The following ZBTB46 variants were observed in gnomAD, a reference collection of about 807,000 sequenced individuals.
The protein encoded by ZBTB46 is zinc finger and BTB domain containing 46, also known as zinc finger and BTB domain-containing protein 46.
Under a neutral mutation model 44.1 loss-of-function variants are expected in ZBTB46, and 8 were observed. That is an observed-to-expected ratio of 0.18 (90% CI 0.11 to 0.33). The LOEUF (loss-of-function observed/expected upper bound fraction) is 0.33. Ranked by LOEUF, ZBTB46 falls within the 10% of genes least tolerant of loss-of-function variation. ZBTB46 has a pLI of 1.00. For synonymous variants in ZBTB46, 409 were observed against 382.3 expected (o/e 1.07, Z -0.81); for missense variants, 651 against 847.7 (o/e 0.77, Z 2.88).
At chr20:63,809,370 C>T (rs2092704819) in intron 1 of ZBTB46, among the ~76,000 whole-genome samples, 1 of 152,172 alleles carries the variant, frequency 6.6e-6, no homozygotes, top group African/African-American at 2.4e-5. Context: ...TGCCTGTGTC[C>T]CCCCATATTA....
chr20:63,801,592 G>A (rs904112287), intron 1 of ZBTB46, among the ~76,000 whole-genome samples: 1 of 152,092 alleles, frequency 6.6e-6, no homozygotes. Flanking sequence ...CTCACTCTTT[G>A]GGTCCACACT....
At chr20:63,762,673 C>A (rs1283390555) in intron 3 of ZBTB46, among the ~76,000 whole-genome samples, 7 of 105,332 alleles carry the variant, frequency 6.6e-5, no homozygotes, top group African/African-American at 2.8e-4. Context: ...AACAAACAAA[C>A]AAACAAAAAA....
At chr20:63,809,819 C>T (rs765240064) in intron 1 of ZBTB46, among the ~76,000 whole-genome samples, 1 of 151,876 alleles carries the variant, frequency 6.6e-6, no homozygotes, top group Admixed American at 6.6e-5. Context: ...AAAAATTAGC[C>T]GGGCATGGTG....
At chr20:63,812,993 A>C in intron 1 of ZBTB46, among the ~76,000 whole-genome samples, 1 of 151,570 alleles carries the variant, frequency 6.6e-6, no homozygotes, top group East Asian at 1.9e-4. Flanking sequence ...AGCTACTTGG[A>C]AGGCTGAGGC....
rs2145993344 is a variant in ZBTB46, at chr20:63,803,618, G to A, written c.-33-12828C>T. On this transcript the variant is annotated intron_variant, in intron 1 of 4. Coordinates refer to ENST00000245663, the MANE Select transcript of ZBTB46 (RefSeq NM_001369741.1). The surrounding 1 kb of genome is among the most constrained non-coding windows in gnomAD (Gnocchi z 4.0). The stretch of plus-strand genomic sequence containing the variant: ...GGCCCTGCCAGCCCCGCCCCTCCCT[G>A]CCCACTGGCCCCTTTCAGTTCCTTC... 1 of 677,382 alleles carries A rather than the reference G, an allele frequency of 1.5e-6. No homozygotes were observed. The highest frequency in any genetic ancestry group is 6.5e-5 in the South Asian group (1 of 15,288). 42.0% of individuals were successfully genotyped at this position (677,382 alleles called of 1,614,324 possible).
intron 1 of ZBTB46, among the ~76,000 whole-genome samples, chr20:63,828,250 C>T (rs1600737195): frequency 6.6e-6 from 1 of 152,250 alleles, no homozygotes; most frequent in African/African-American, 2.4e-5. Flanking sequence ...CAGGAAAATC[C>T]CTCCCATGGA....
At chr20:63,815,974 A>AGTGGGTGCAGGTG in intron 1 of ZBTB46, among the ~76,000 whole-genome samples, 1 of 122,740 alleles carries the variant, frequency 8.1e-6, no homozygotes, top group Non-Finnish European at 1.7e-5. Context: ...GGGTGCAGGT[A>AGTGGGTGCAGGTG]CAGTGGGCGC....
At chr20:63,795,664 CCT>C (rs2092598115) in intron 1 of ZBTB46, among the ~76,000 whole-genome samples, 1 of 152,218 alleles carries the variant, frequency 6.6e-6, no homozygotes, top group African/African-American at 2.4e-5. Flanking sequence ...ATCGTGCCGT[CCT>C]GTGCTGGCAC....
rs2092546663 is a variant in ZBTB46, at chr20:63,789,940, C to T, written c.818G>A (p.Arg273Gln). 1.9e-6 allele frequency: 3 copies of T among 1,614,146 alleles called. No homozygotes were observed. Among genetic ancestry groups the T allele is most frequent in the Non-Finnish European group, 2.5e-6 (3 of 1,180,042 alleles). ...AWQPTGRRKN[R>Q]KNKETVRHIT... ...GTGCCGGACGGTCTCTTTGTTTTTC[C>T]GATTCTTCCTTCGGCCCGTGGGCTG... is the stretch of plus-strand genomic sequence containing the variant. Residue 273 changes from arginine to glutamine, a missense_variant, in exon 2 of 5, where the codon CGG (arginine) becomes CAG (glutamine). By Grantham distance (43) the Arg-to-Gln change is conservative (BLOSUM62 1). Coordinates refer to ENST00000245663, the MANE Select transcript of ZBTB46 (RefSeq NM_001369741.1).
chr20:63,820,188 G>A lies in ZBTB46; in HGVS notation c.-34+10909C>T, dbSNP rs1023115453. ...GGCTCACTGCAAGCTCTGCCTCCCA[G>A]GTTCACGCCATTCTCCCACCTCAGC... On this transcript the variant is annotated intron_variant, in intron 1 of 4. Coordinates refer to ENST00000245663, the MANE Select transcript of ZBTB46 (RefSeq NM_001369741.1). Among the ~76,000 whole-genome samples, 19 of 152,126 alleles carry A rather than the reference G, an allele frequency of 1.2e-4. No individual in the cohort carries two copies. In the East Asian group the frequency reaches 3.5e-3, roughly 28 times the overall value.
chr20:63,814,888 G>T (rs2092739248), intron 1 of ZBTB46: 1 of 152,430 alleles, frequency 6.6e-6, no homozygotes, highest in Non-Finnish European at 1.5e-5. Flanking sequence ...ATTTTCCAGG[G>T]ATCTTACTGG....
intron 1 of ZBTB46, among the ~76,000 whole-genome samples, chr20:63,815,959 GCAGTGGGTGCAGGTA>G (rs1383092999): frequency 1.4e-5 from 2 of 139,430 alleles, no homozygotes; most frequent in Non-Finnish European, 3.1e-5. Flanking sequence ...GGGCACAGGT[GCAGTGGGTGCAGGTA>G]CAGTGGGCGC....
At chr20:63,778,782 T>C (rs1419495329) in intron 2 of ZBTB46, among the ~76,000 whole-genome samples, 3 of 152,268 alleles carry the variant, frequency 2.0e-5, no homozygotes, top group South Asian at 2.1e-4. Context: ...ATCATATTAA[T>C]TGTGCATTTC....
intron 1 of ZBTB46, among the ~76,000 whole-genome samples, chr20:63,827,832 C>T (rs1568914084): frequency 9.9e-5 from 15 of 152,210 alleles, no homozygotes; most frequent in Non-Finnish European, 1.5e-5. Context: ...CAACAGAACA[C>T]TTTGCATAAA....
chr20:63,799,947 C>G (rs1257312186), intron 1 of ZBTB46, among the ~76,000 whole-genome samples: 2 of 152,194 alleles, frequency 1.3e-5, no homozygotes, highest in African/African-American at 2.4e-5. Flanking sequence ...GGTACCTACC[C>G]GAGAAGCAAA....
At chr20:63,766,302 G>A (rs111653359) in intron 3 of ZBTB46, among the ~76,000 whole-genome samples, 1 of 136,166 alleles carries the variant, frequency 7.3e-6, no homozygotes, top group East Asian at 2.2e-4. Context: ...TGCAACTTCC[G>A]CCTCCCGGGT....
At chr20:63,749,923 G>A (rs2092144870) in intron 4 of ZBTB46, among the ~76,000 whole-genome samples, 1 of 152,238 alleles carries the variant, frequency 6.6e-6, no homozygotes, top group East Asian at 1.9e-4. Flanking sequence ...AAGCAAGAAG[G>A]AAGACGGGAC....
intron 1 of ZBTB46, among the ~76,000 whole-genome samples, chr20:63,795,011 A>G (rs1438710571): frequency 6.6e-5 from 10 of 152,194 alleles, no homozygotes. Flanking sequence ...CCAAGTCTCC[A>G]AAGAGTGGGT....
chr20:63,820,910 T>C (rs2092788380), intron 1 of ZBTB46, among the ~76,000 whole-genome samples: 1 of 144,914 alleles, frequency 6.9e-6, no homozygotes, highest in Non-Finnish European at 1.5e-5. Flanking sequence ...TTTTTTTTTT[T>C]AGATGGAGTT....
Sources: gnomAD v4.1 joint callset for allele counts (sites outside exome capture counted in the v4.1 genomes callset) on GRCh38, gnomAD v4.1.1 for gene constraint, Gnocchi (gnomAD v3.1) non-coding constraint, MANE v1.5 for transcripts, NCBI Gene and HGNC (gene_info 2026-07-23, HGNC 2026-07-21) for gene names.